The following CLEC18A variants were observed in gnomAD, a reference collection of about 807,000 sequenced individuals.
CLEC18A encodes mannose receptor-like 1.
CLEC18A carries 5 observed loss-of-function variants against 24.0 expected under a neutral mutation model. The ratio of observed to expected loss-of-function variants is 0.21; its 90% CI spans 0.11 to 0.44. The LOEUF (loss-of-function observed/expected upper bound fraction) is 0.44, where lower values mean the gene tolerates loss of function less well. Ranked by LOEUF, CLEC18A falls within the 20% of genes least tolerant of loss-of-function variation. CLEC18A has a pLI of 0.99. For synonymous variants in CLEC18A, 29 were observed against 100.1 expected (o/e 0.29, Z 4.24); for missense variants, 83 against 233.4 (o/e 0.36, Z 4.20).
chr16:69,955,615 G>T (rs564732870), intron 3 of CLEC18A, among the ~76,000 whole-genome samples: 5 of 150,132 alleles, frequency 3.3e-5, no homozygotes, highest in Non-Finnish European at 5.9e-5. Flanking sequence ...GCCTCCCAAA[G>T]TGCTGGGATT....
chr16:69,948,853 G>A (rs544437814), upstream of CLEC18A, among the ~76,000 whole-genome samples: 130 of 126,760 alleles, frequency 1.0e-3, no homozygotes, highest in South Asian at 1.8e-3. Context: ...ACAGCGTGTC[G>A]GTTCCAGCCT....
At chr16:69,953,955 A>G (rs911052514) in intron 2 of CLEC18A, 2 of 347,478 alleles carry the variant, frequency 5.8e-6, no homozygotes, top group Admixed American at 4.2e-5. Context: ...GGAGGGCAGC[A>G]TGGCCGGGTG....
chr16:69,964,256 G>A (rs1359979693), downstream of CLEC18A: 2 of 145,784 alleles, frequency 1.4e-5, no homozygotes, highest in African/African-American at 2.5e-5. Context: ...GAGACGACGC[G>A]TGTGTGTTGC....
At chr16:69,943,619 G>A in the CLEC18A span, among the ~76,000 whole-genome samples, 1 of 152,008 alleles carries the variant, frequency 6.6e-6, no homozygotes, top group South Asian at 2.1e-4. Context: ...ATTTCTAAAA[G>A]TAACCACTGG....
the CLEC18A span, among the ~76,000 whole-genome samples, chr16:69,945,040 G>A: frequency 2.7e-5 from 4 of 145,952 alleles, no homozygotes; most frequent in Non-Finnish European, 4.4e-5. Context: ...TACCTGGGAC[G>A]CTGAGGTGGG....
At chr16:69,945,125 G>GAA in the CLEC18A span, among the ~76,000 whole-genome samples, 6 of 130,504 alleles carry the variant, frequency 4.6e-5, no homozygotes, top group Non-Finnish European at 6.3e-5. Context: ...ACCCTGTCTG[G>GAA]AAAAAAAAAA....
chr16:69,954,856 C>T (rs1457110171), intron 3 of CLEC18A, among the ~76,000 whole-genome samples: 3 of 152,002 alleles, frequency 2.0e-5, no homozygotes, highest in Non-Finnish European at 4.4e-5. Flanking sequence ...TGCCACCAGG[C>T]CTGGCTAATG....
Position 69,954,397 on chromosome 16 carries a change from C to G in CLEC18A, c.280C>G (p.Pro94Ala), listed in dbSNP as rs755436524. 3 of 1,610,206 alleles carry G rather than the reference C, an allele frequency of 1.9e-6. No homozygotes were observed. The South Asian group carries it at 3.3e-5, about 18-fold the overall frequency. ...GGCAGCCCTCTGTGGAACCCCAACC[C>G]CGAGCCTGGCGTCCGGCCTGTGGCG... ...ARAALCGTPTPSLASGLWRTL... is the reference protein window; with the variant it reads ...ARAALCGTPTASLASGLWRTL... The change falls in exon 3 of 12, where the codon CCG (proline) becomes GCG (alanine). Residue 94 changes from proline to alanine, a missense_variant. By Grantham distance (27) the Pro-to-Ala change is conservative. Coordinates refer to ENST00000288040, the MANE Select transcript of CLEC18A (RefSeq NM_001370523.4).
chr16:69,955,261 C>T (rs2059019744), intron 3 of CLEC18A, among the ~76,000 whole-genome samples: 1 of 152,152 alleles, frequency 6.6e-6, no homozygotes, highest in East Asian at 1.9e-4. Context: ...CCTCAGCCTC[C>T]CAAAGTGCTG....
At chr16:69,950,431 A>G (rs1364781779), upstream of CLEC18A, among the ~76,000 whole-genome samples, 5 of 122,976 alleles carry the variant, frequency 4.1e-5, 1 homozygote, top group Non-Finnish European at 1.9e-5. Context: ...AACTTGGCCC[A>G]TGGTGCAGAT....
At chr16:69,944,844 G>GA in the CLEC18A span, among the ~76,000 whole-genome samples, 3 of 113,866 alleles carry the variant, frequency 2.6e-5, no homozygotes, top group African/African-American at 4.1e-5. Flanking sequence ...TCAAAAAAAA[G>GA]AAAAAAAAGA....
At chr16:69,966,350 G>C (rs890499567), downstream of CLEC18A, among the ~76,000 whole-genome samples, 5 of 132,800 alleles carry the variant, frequency 3.8e-5, no homozygotes, top group South Asian at 2.3e-4. Context: ...AGACCTACTG[G>C]GCTGTGTTCC....
downstream of CLEC18A, among the ~76,000 whole-genome samples, chr16:69,965,371 C>T (rs1374068184): frequency 6.6e-6 from 1 of 152,036 alleles, no homozygotes; most frequent in Non-Finnish European, 1.5e-5. Flanking sequence ...CCAGCAGCCG[C>T]GCCTCTTCCT....
At chr16:69,953,835 A>AAAAGGG (rs2058992230) in intron 2 of CLEC18A, 1 of 150,466 alleles carries the variant, frequency 6.6e-6, no homozygotes, top group African/African-American at 3.1e-5. Flanking sequence ...AAAAAAAAGA[A>AAAAGGG]GAGGGAGGGG....
At chr16:69,964,967 AT>A (rs1021606288), downstream of CLEC18A, among the ~76,000 whole-genome samples, 2 of 151,808 alleles carry the variant, frequency 1.3e-5, no homozygotes, top group Non-Finnish European at 2.9e-5. Flanking sequence ...ACGCCCCGCT[AT>A]TTTTTGTGTT....
chr16:69,956,425 GGCTC>G (rs1266326599), intron 3 of CLEC18A, among the ~76,000 whole-genome samples: 2 of 126,336 alleles, frequency 1.6e-5, no homozygotes, highest in African/African-American at 6.8e-5. Context: ...GCGCGATCTC[GGCTC>G]ACTGCAAGCT....
At chr16:69,945,365 T>C in the CLEC18A span, among the ~76,000 whole-genome samples, 1 of 152,154 alleles carries the variant, frequency 6.6e-6, no homozygotes, top group African/African-American at 2.4e-5. Context: ...CTTGTCCTTT[T>C]TCCGTATCTT....
intron 2 of CLEC18A, chr16:69,953,883 C>T (rs1300092410): frequency 5.0e-5 from 14 of 281,100 alleles, no homozygotes; most frequent in Admixed American, 9.8e-5. Flanking sequence ...CATATGAGGC[C>T]GGGCTCCTGG....
At chr16:69,965,573 C>CG (rs1405834618), downstream of CLEC18A, among the ~76,000 whole-genome samples, 1 of 149,846 alleles carries the variant, frequency 6.7e-6, no homozygotes, top group Non-Finnish European at 1.5e-5. Context: ...GGGGACCTGA[C>CG]GCGCCGTCGT....
Sources: gnomAD v4.1 joint callset for allele counts (sites outside exome capture counted in the v4.1 genomes callset) on GRCh38, gnomAD v4.1.1 for gene constraint, MANE v1.5 for transcripts, NCBI Gene and HGNC (gene_info 2026-07-23, HGNC 2026-07-21) for gene names.